Variants in PIEZO1 observed in about 807,000 individuals in gnomAD.
PIEZO1 encodes the protein piezo-type mechanosensitive ion channel component 1.
A neutral mutation model predicts 297.2 loss-of-function variants in PIEZO1; 296 were observed. That is an observed-to-expected ratio of 1.00 (90% CI 0.91 to 1.10). PIEZO1 has a LOEUF of 1.10. Among genes scored for constraint, PIEZO1 ranks in the 50% least tolerant of loss-of-function variants. The probability of loss-of-function intolerance (pLI) is 0.00; values close to 1 mark genes in which losing one functional copy is unlikely to be tolerated. For synonymous variants in PIEZO1, 2,427 were observed against 1,507.5 expected (o/e 1.61, Z -14.13); for missense variants, 5,018 against 3,455.5 (o/e 1.45, Z -11.34).
chr16:88,725,130 G>C (rs1384983313), intron 29 of PIEZO1, 50 bp from the exon 30 acceptor site: 2 of 1,327,406 alleles, frequency 1.5e-6, no homozygotes, highest in Admixed American at 2.7e-5. Context: ...CACCAGGAGG[G>C]GTCGGGGCTG....
intron 1 of PIEZO1, among the ~76,000 whole-genome samples, chr16:88,758,633 C>T (rs112555966): frequency 4.6e-5 from 7 of 152,228 alleles, no homozygotes; most frequent in East Asian, 3.8e-4. Context: ...GCAGGCCAAG[C>T]GGCAGGGGGT....
chr16:88,767,729 G>T (rs1219740826), intron 1 of PIEZO1, among the ~76,000 whole-genome samples: 1 of 152,192 alleles, frequency 6.6e-6, no homozygotes, highest in Non-Finnish European at 1.5e-5. Context: ...CCCAGCCAGG[G>T]AGGGGCAGAG....
intron 19 of PIEZO1, 126 bp downstream of exon 19, chr16:88,733,152 C>T: frequency 1.1e-6 from 1 of 926,038 alleles, no homozygotes; most frequent in Non-Finnish European, 1.6e-6. Flanking sequence ...CTTGGCGCCC[C>T]CAGGGGAGAG....
chr16:88,782,844 AGCAG>A (rs66950913), intron 1 of PIEZO1, among the ~76,000 whole-genome samples: 93,992 of 151,356 alleles, frequency 0.62, 29,279 homozygotes, highest in Middle Eastern at 0.73. Context: ...AGTCCCGGCC[AGCAG>A]GCAGGCAGGC....
chr16:88,773,836 C>A (rs1263866310), intron 1 of PIEZO1, among the ~76,000 whole-genome samples: 2 of 152,098 alleles, frequency 1.3e-5, no homozygotes, highest in East Asian at 3.9e-4. Flanking sequence ...GGTCACTCGA[C>A]CCCAGCCCTC....
intron 1 of PIEZO1, among the ~76,000 whole-genome samples, chr16:88,756,358 A>C (rs1166674033): frequency 2.0e-5 from 3 of 151,940 alleles, no homozygotes; most frequent in Non-Finnish European, 4.4e-5. Flanking sequence ...TGGACCCCAC[A>C]ATGGCCGCAC....
chr16:88,724,861 AC>A (rs1008179646), intron 30 of PIEZO1, 147 bp downstream of exon 30: 51 of 544,410 alleles, frequency 9.4e-5, no homozygotes, highest in Non-Finnish European at 1.6e-4. Context: ...CCAGTGAGGC[AC>A]CCCCCGACCC....
At chr16:88,728,325 ACT>A in intron 22 of PIEZO1, among the ~76,000 whole-genome samples, 1 of 152,298 alleles carries the variant, frequency 6.6e-6, no homozygotes, top group South Asian at 2.1e-4. Context: ...CATGGATGTG[ACT>A]CCACGCATCT....
In PIEZO1 at chr16:88,723,278, C is replaced by T. The variant is rs1597446816; in HGVS notation, c.4386G>A (p.Arg1462=). 2 of 1,542,332 alleles carry T rather than the reference C, an allele frequency of 1.3e-6. No individual in the cohort carries two copies. The highest frequency in any genetic ancestry group is 2.4e-5 in the South Asian group (2 of 84,064). The change falls in exon 32 of 51, where the codon CGG becomes CGA. Residue 1462 remains arginine, a synonymous_variant. Coordinates refer to ENST00000301015, the MANE Select transcript of PIEZO1 (RefSeq NM_001142864.4). ...GCCTTGCCTGCTCCTGCTCCTGCTG[C>T]CGCCGCCTCAGCACCGCCTGGGCGT... ...VTNAQAVLRR[R]QQEQEQARQE... is the part of the protein sequence containing the mutation.
intron 27 of PIEZO1, chr16:88,726,063 A>T: frequency 1.7e-6 from 1 of 582,196 alleles, no homozygotes; most frequent in Non-Finnish European, 3.0e-6. Context: ...AGCCACCGTC[A>T]GCACTGCAGC....
chr16:88,716,009 C>T lies in PIEZO1; in HGVS notation c.7240G>A (p.Asp2414Asn), dbSNP rs58548913. The T allele has an allele frequency of 9.0e-4, 1,397 of 1,550,194 alleles. 10 individuals are homozygous for T. In the African/African-American group the frequency reaches 0.015, roughly 17 times the overall value. The change falls in exon 50 of 51, where the codon GAC becomes AAC. Residue 2414 changes from aspartate (D) to asparagine (N), a missense_variant. Physicochemically the swap from Asp to Asn is conservative, Grantham distance 23. Transcript: ENST00000301015. Reference protein sequence around the residue: ...WVIELQECRTDCNLLPMVIFS... With the variant: ...WVIELQECRTNCNLLPMVIFS... ...ATGACCATGGGCAGCAGGTTGCAGT[C>T]GGTCCGGCACTCCTGCAGCTCGATG...
chr16:88,739,144 T>G lies in PIEZO1; in HGVS notation c.466-408A>C, dbSNP rs114227895. 1,390 of 180,802 alleles carry G rather than the reference T, an allele frequency of 7.7e-3. 29 individuals are homozygous for G. Among genetic ancestry groups the G allele is most frequent in the African/African-American group, 0.03 (1,281 of 42,394 alleles). 11.2% of individuals were successfully genotyped at this position (180,802 alleles called of 1,614,324 possible). On this transcript the variant is annotated intron_variant, in intron 5 of 50. Transcript: ENST00000301015. ...GGGGTCTCTAGAGACCAAGGGGGCC[T>G]GAGGGACATGGCCAGGCTCCAGGGT...
intron 1 of PIEZO1, among the ~76,000 whole-genome samples, chr16:88,759,246 G>A (rs1906814727): frequency 1.3e-5 from 2 of 152,386 alleles, no homozygotes; most frequent in South Asian, 2.1e-4. Flanking sequence ...TGCAGGGCTA[G>A]AACCTGGGCC....
rs1273364941 is a variant in PIEZO1 at position 88,716,613 on chromosome 16, TCCCG to T, written c.6868_6871del (p.Arg2290SerfsTer81). 1 of 1,549,768 alleles carries T rather than the reference TCCCG, an allele frequency of 6.5e-7. No individual in the cohort carries two copies. The highest frequency in any genetic ancestry group is 8.7e-7 in the Non-Finnish European group (1 of 1,146,850). ...GATGTCGGCCGTGCCGTTGTAGAGC[TCCCG>T]CTTCATCTGGGCACGGCTGGGGGGA... On this transcript the variant is annotated frameshift_variant, in exon 47 of 51. Coordinates refer to ENST00000301015, the MANE Select transcript of PIEZO1 (RefSeq NM_001142864.4). LOFTEE classifies it high-confidence loss of function.
intron 1 of PIEZO1, among the ~76,000 whole-genome samples, chr16:88,763,599 T>C (rs996916757): frequency 1.3e-5 from 2 of 152,182 alleles, no homozygotes; most frequent in Non-Finnish European, 2.9e-5. Flanking sequence ...TCTGGCGTGA[T>C]ACAAATGTGC....
intron 1 of PIEZO1, among the ~76,000 whole-genome samples, chr16:88,753,491 C>T (rs1906503829): frequency 6.6e-6 from 1 of 151,860 alleles, no homozygotes; most frequent in African/African-American, 2.4e-5. Flanking sequence ...CAGCCCAGCC[C>T]ACCACTTCTC....
chr16:88,765,492 G>A (rs947226749), intron 1 of PIEZO1, among the ~76,000 whole-genome samples: 3 of 152,134 alleles, frequency 2.0e-5, no homozygotes, highest in African/African-American at 7.2e-5. Context: ...TAAGTGAAAT[G>A]GGGACAGAAT....
intron 2 of PIEZO1, among the ~76,000 whole-genome samples, chr16:88,748,810 G>A (rs185922081): frequency 3.3e-5 from 5 of 151,964 alleles, no homozygotes. Context: ...GCTCACACCT[G>A]TAATTGCAGC....
intron 1 of PIEZO1, among the ~76,000 whole-genome samples, chr16:88,766,796 C>A (rs1167727405): frequency 1.3e-5 from 2 of 152,248 alleles, no homozygotes; most frequent in African/African-American, 4.8e-5. Context: ...AGAACGGGGA[C>A]CCGGCCCCAG....
Sources: allele counts gnomAD v4.1 joint callset (sites outside exome capture counted in the v4.1 genomes callset), GRCh38; gene constraint gnomAD v4.1.1; transcripts MANE v1.5; gene names NCBI Gene and HGNC (gene_info 2026-07-23, HGNC 2026-07-21).